NAV2: variants seen among roughly 807,000 people sequenced by gnomAD.
The protein encoded by NAV2 is helicase, APC down-regulated 1.
In NAV2, 54 loss-of-function variants were observed where a neutral mutation model predicts 223.2. That is an observed-to-expected ratio of 0.24 (90% CI 0.19 to 0.30). The LOEUF is 0.30. Among genes scored for constraint, NAV2 ranks in the 10% least tolerant of loss-of-function variants. The probability of loss-of-function intolerance (pLI) is 1.00; values close to 1 mark genes in which losing one functional copy is unlikely to be tolerated. For missense variants in NAV2, 2,806 were observed against 3,147.5 expected (o/e 0.89, Z 2.60); for synonymous variants, 1,279 against 1,239.3 (o/e 1.03, Z -0.67).
At chr11:19,969,575 A>G (rs1330468370) in intron 10 of NAV2, among the ~76,000 whole-genome samples, 1 of 152,142 alleles carries the variant, frequency 6.6e-6, no homozygotes, top group East Asian at 1.9e-4. Flanking sequence ...AACTCTATAT[A>G]AACTATGGGG....
intron 16 of NAV2, among the ~76,000 whole-genome samples, chr11:20,050,334 C>G (rs2057859190): frequency 6.6e-6 from 1 of 152,154 alleles, no homozygotes. Flanking sequence ...TGCCTCTTCT[C>G]CCTTTCAAAA....
At chr11:19,788,337 T>A (rs553979137) in intron 1 of NAV2, among the ~76,000 whole-genome samples, 70 of 152,220 alleles carry the variant, frequency 4.6e-4, no homozygotes, top group Non-Finnish European at 8.1e-4. Context: ...ACCACTGTAG[T>A]AAATGGTCCC....
intron 1 of NAV2, among the ~76,000 whole-genome samples, chr11:19,614,967 T>A (rs932674291): frequency 3.3e-5 from 5 of 152,102 alleles, no homozygotes; most frequent in African/African-American, 4.8e-5. Context: ...GTGACTTCTG[T>A]CCCACCCCCA....
At chr11:20,076,798 A>G (rs11025379) in intron 22 of NAV2, among the ~76,000 whole-genome samples, 50,495 of 151,906 alleles carry the variant, frequency 0.33, 9,307 homozygotes, top group African/African-American at 0.49. Flanking sequence ...ATTAGATGCT[A>G]TTTTACTTAT....
Position 19,804,010 on chromosome 11 carries a change from T to C in NAV2, c.268-28474T>C, listed in dbSNP as rs533023594. On this transcript the variant is annotated intron_variant, in intron 1 of 37. Coordinates refer to ENST00000349880, the MANE Select transcript of NAV2 (RefSeq NM_145117.5). ...AAAAGTGATATGGTATAAGGTGATCTGTGGCCAATTTGCTTAATGACTTTT... is the reference window on the plus strand; with the variant it reads ...AAAAGTGATATGGTATAAGGTGATCCGTGGCCAATTTGCTTAATGACTTTT... Among the ~76,000 whole-genome samples, 5 of 152,330 alleles carry C rather than the reference T, an allele frequency of 3.3e-5. No homozygotes were observed. In the South Asian group the frequency reaches 1.0e-3, roughly 32 times the overall value.
intron 1 of NAV2, among the ~76,000 whole-genome samples, chr11:19,409,819 G>T (rs35166381): frequency 0.034 from 5,213 of 152,244 alleles, 138 homozygotes; most frequent in Non-Finnish European, 0.048. Context: ...ATCTTCTGTT[G>T]TAGAGCTGGT....
intron 37 of NAV2, among the ~76,000 whole-genome samples, chr11:20,116,754 G>A (rs11025393): frequency 0.16 from 24,157 of 152,068 alleles, 2,561 homozygotes; most frequent in East Asian, 0.38. Context: ...TTCCATTACC[G>A]AGTTAGATAT....
At chr11:19,417,646 G>T (rs888162229) in intron 1 of NAV2, among the ~76,000 whole-genome samples, 3 of 152,182 alleles carry the variant, frequency 2.0e-5, no homozygotes, top group Admixed American at 2.0e-4. Flanking sequence ...ACATGCACAC[G>T]CATGTTTATT....
intron 11 of NAV2, among the ~76,000 whole-genome samples, chr11:20,030,879 T>C (rs2055655178): frequency 6.6e-6 from 1 of 152,280 alleles, no homozygotes; most frequent in Admixed American, 6.5e-5. Context: ...GATCCTGTTA[T>C]ATGCTGTGTA....
chr11:19,933,888 G>T lies in NAV2; in HGVS notation c.1644G>T (p.Lys548Asn). 2 of 1,593,864 alleles carry T rather than the reference G, an allele frequency of 1.3e-6. No homozygotes were observed. Among genetic ancestry groups the T allele is most frequent in the Non-Finnish European group, 1.7e-6 (2 of 1,173,038 alleles). Residue 548 changes from lysine (K) to asparagine (N), a missense_variant, in exon 7 of 38, where the codon AAG becomes AAT. Coordinates refer to ENST00000349880, the MANE Select transcript of NAV2 (RefSeq NM_145117.5). This position sits in a 1 kb window ranked among gnomAD's most constrained non-coding sequence, Gnocchi z 4.3. Reference protein sequence around the residue: ...KIASFIPKGGKLNSAKKEPMA... With the variant: ...KIASFIPKGGNLNSAKKEPMA... ...CCAGCTTCATCCCCAAAGGGGGGAA[G>T]CTCAACAGTGCCAAGAAGGAGCCCA...
At chr11:19,832,622 G>A in intron 2 of NAV2, 21 bp downstream of exon 2, 1 of 1,597,488 alleles carries the variant, frequency 6.3e-7, no homozygotes, top group Non-Finnish European at 8.6e-7. Flanking sequence ...ATTTTACCTT[G>A]GGGGTAATGA....
chr11:19,927,575 TAATAA>T (rs896704402), intron 6 of NAV2, among the ~76,000 whole-genome samples: 4 of 151,364 alleles, frequency 2.6e-5, no homozygotes, highest in South Asian at 2.1e-4. Context: ...CAAAATAAAA[TAATAA>T]AATAAATAAA....
chr11:19,728,766 T>C (rs2051473076), intron 1 of NAV2, among the ~76,000 whole-genome samples: 1 of 152,212 alleles, frequency 6.6e-6, no homozygotes, highest in African/African-American at 2.4e-5. Flanking sequence ...TGCTGTACTG[T>C]TATATATGGA....
intron 6 of NAV2, among the ~76,000 whole-genome samples, chr11:19,894,662 G>T (rs1042680705): frequency 1.3e-5 from 2 of 152,154 alleles, no homozygotes; most frequent in Non-Finnish European, 2.9e-5. Flanking sequence ...AAGGACCATG[G>T]TGCAAATTCC....
At chr11:20,111,752 C>A (rs995254998) in intron 36 of NAV2, among the ~76,000 whole-genome samples, 1 of 152,224 alleles carries the variant, frequency 6.6e-6, no homozygotes, top group African/African-American at 2.4e-5. Flanking sequence ...CCAGACAGGT[C>A]TCCCGTCTCT....
chr11:19,646,801 G>C (rs561352985), intron 1 of NAV2, among the ~76,000 whole-genome samples: 1 of 152,268 alleles, frequency 6.6e-6, no homozygotes, highest in South Asian at 2.1e-4. Flanking sequence ...TATAGATATA[G>C]AACATGAGGC....
At chr11:19,388,130 C>A (rs190119706) in intron 1 of NAV2, among the ~76,000 whole-genome samples, 16 of 152,168 alleles carry the variant, frequency 1.1e-4, no homozygotes, top group Non-Finnish European at 1.9e-4. Context: ...AAGAAAGAAA[C>A]GTCAGACTTT....
chr11:19,595,518 G>T lies in NAV2; in HGVS notation c.76-236966G>T, dbSNP rs114004330. Among the ~76,000 whole-genome samples the T allele has an allele frequency of 1.7e-3, 252 of 152,022 alleles. 1 individual carries two copies. Among genetic ancestry groups the T allele is most frequent in the African/African-American group, 5.8e-3 (240 of 41,434 alleles). Reference sequence around the variant, plus strand: ...AGAGGGGTTTTACAACTTGATCAAGGTTCTCCAGTCAGTCTGATTTCAGAG... The same window carrying T: ...AGAGGGGTTTTACAACTTGATCAAGTTTCTCCAGTCAGTCTGATTTCAGAG... On this transcript the variant is annotated intron_variant, in intron 1 of 37. Coordinates refer to the NAV2 transcript ENST00000360655.
At chr11:19,985,587 TTGTTTTTGAGACAGAGTCTCACTC>T (rs1227628425) in intron 11 of NAV2, among the ~76,000 whole-genome samples, 1 of 152,022 alleles carries the variant, frequency 6.6e-6, no homozygotes, top group Non-Finnish European at 1.5e-5. Context: ...GTTTGTTTGT[TTGTTTTTGAGACAGAGTCTCACTC>T]TGTCACCCAG....
Sources: gnomAD v4.1 joint callset for allele counts (sites outside exome capture counted in the v4.1 genomes callset) on GRCh38, gnomAD v4.1.1 for gene constraint, Gnocchi (gnomAD v3.1) non-coding constraint, MANE v1.5 for transcripts, NCBI Gene and HGNC (gene_info 2026-07-23, HGNC 2026-07-21) for gene names.